MBD2: variants seen among roughly 807,000 people sequenced by gnomAD.
MBD2 encodes methyl-CpG-binding domain protein 2.
MBD2 carries 9 observed loss-of-function variants against 39.3 expected under a neutral mutation model. The observed-to-expected ratio is 0.23, with a 90% confidence interval of 0.14 to 0.40. The LOEUF (loss-of-function observed/expected upper bound fraction) is 0.40, where lower values mean the gene tolerates loss of function less well. Among genes scored for constraint, MBD2 ranks in the 10% least tolerant of loss-of-function variants. The pLI, the probability that MBD2 is intolerant of heterozygous loss-of-function variation, is 1.00. For synonymous variants in MBD2, 233 were observed against 211.1 expected, an observed-to-expected ratio of 1.10 and a Z score of -0.90; for missense variants, 458 against 532.6, an observed-to-expected ratio of 0.86 and a Z score of 1.38.
intron 2 of MBD2, among the ~76,000 whole-genome samples, chr18:54,193,669 C>T (rs1485204469): frequency 6.6e-6 from 1 of 151,702 alleles, no homozygotes; most frequent in Non-Finnish European, 1.5e-5. Context: ...AGGAAAAAAA[C>T]AGATATCCTT....
At position 54,214,719 on chromosome 18, in the gene MBD2, C is replaced by G. The variant is rs756472315; in HGVS notation, c.542+9299G>C. Among the ~76,000 whole-genome samples the G allele has an allele frequency of 2.4e-4, 36 of 149,162 alleles. 1 individual carries two copies. The highest frequency in any genetic ancestry group is 7.0e-3 in the Middle Eastern group (2 of 284). On this transcript the variant is annotated intron_variant, in intron 1 of 6. Transcript: ENST00000256429. ...CACATTTAATCTCAAAAAATTTCCACGAGGTAGAATTCTTTTAGAATTCTT... is the reference window on the plus strand; with the variant it reads ...CACATTTAATCTCAAAAAATTTCCAGGAGGTAGAATTCTTTTAGAATTCTT...
chr18:54,179,537 T>G (rs2086234733), intron 3 of MBD2, among the ~76,000 whole-genome samples: 1 of 152,208 alleles, frequency 6.6e-6, no homozygotes, highest in Admixed American at 6.5e-5. Flanking sequence ...CTCCAGGAAT[T>G]CTAGATCTGT....
chr18:54,189,862 T>C (rs2144311841), intron 2 of MBD2, among the ~76,000 whole-genome samples: 1 of 151,720 alleles, frequency 6.6e-6, no homozygotes, highest in Admixed American at 6.6e-5. Flanking sequence ...ATTACCAGGC[T>C]GGTCTCAAAC....
At chr18:54,207,741 A>T (rs983695130) in intron 1 of MBD2, among the ~76,000 whole-genome samples, 3 of 152,230 alleles carry the variant, frequency 2.0e-5, no homozygotes, top group Non-Finnish European at 4.4e-5. Flanking sequence ...TATGTCACTT[A>T]TAAAATGCTG....
chr18:54,152,807 C>T lies in MBD2; in HGVS notation c.*2517G>A, dbSNP rs1599069311. ...GAAACAGTCTATCTCACTGAATCCTCACAACAACTCTATGAGGTAGGTATT... is the reference window on the plus strand; with the variant it reads ...GAAACAGTCTATCTCACTGAATCCTTACAACAACTCTATGAGGTAGGTATT... On this transcript the variant is annotated 3_prime_UTR_variant, in exon 7 of 7. Coordinates refer to ENST00000256429, the MANE Select transcript of MBD2 (RefSeq NM_003927.5). The T allele has an allele frequency of 6.6e-6, 1 of 152,198 alleles. No homozygotes were observed. The highest frequency in any genetic ancestry group is 1.5e-5 in the Non-Finnish European group (1 of 68,042). 9.4% of individuals were successfully genotyped at this position (152,198 alleles called of 1,614,324 possible).
At chr18:54,208,323 T>C (rs1209479264) in intron 1 of MBD2, among the ~76,000 whole-genome samples, 1 of 151,848 alleles carries the variant, frequency 6.6e-6, no homozygotes, top group Non-Finnish European at 1.5e-5. Context: ...AGAAAACCCA[T>C]CTCTACTAAA....
intron 3 of MBD2, among the ~76,000 whole-genome samples, chr18:54,170,457 T>C (rs1478221876): frequency 6.6e-6 from 1 of 152,176 alleles, no homozygotes; most frequent in African/African-American, 2.4e-5. Context: ...CGATCCCTAT[T>C]CTGATGCTCT....
At chr18:54,218,778 T>C (rs1382748312) in intron 1 of MBD2, among the ~76,000 whole-genome samples, 2 of 152,078 alleles carry the variant, frequency 1.3e-5, no homozygotes, top group East Asian at 1.9e-4. Context: ...CTGACCAACA[T>C]GGTGAAACTC....
rs1568074606 is a variant in MBD2, at chr18:54,151,937, A to G, written c.*3387T>C. ...AACTGCATGACTCTTGTTCATTCAC[A>G]GATTCATTCAACAAATATTTAATGA... On this transcript the variant is annotated 3_prime_UTR_variant, in exon 7 of 7. Coordinates refer to ENST00000256429, the MANE Select transcript of MBD2 (RefSeq NM_003927.5). The G allele has an allele frequency of 6.6e-6, 1 of 152,144 alleles. No individual in the cohort carries two copies. The highest frequency in any genetic ancestry group is 1.5e-5 in the Non-Finnish European group (1 of 68,042). The allele number at this position is 152,144 out of a possible 1,614,324, so 9.4% of individuals were successfully genotyped here.
At position 54,156,028 on chromosome 18, in the gene MBD2, G is replaced by A. The variant is rs186845327; in HGVS notation, c.*13-717C>T. 1.1e-3 allele frequency among the ~76,000 whole-genome samples: 160 copies of A among 152,226 alleles called. 2 individuals carry two copies. Among genetic ancestry groups the A allele is most frequent in the African/African-American group, 3.4e-3 (143 of 41,546 alleles). Reference sequence around the variant, plus strand: ...CTAATAAGCAGGATTAGAAAGAGCTGAGGCATGATGAGGCTGGCCGACCTG... The same window carrying A: ...CTAATAAGCAGGATTAGAAAGAGCTAAGGCATGATGAGGCTGGCCGACCTG... On this transcript the variant is annotated intron_variant, in intron 6 of 6. Coordinates refer to ENST00000256429, the MANE Select transcript of MBD2 (RefSeq NM_003927.5).
intron 3 of MBD2, among the ~76,000 whole-genome samples, chr18:54,179,560 A>G (rs2086234908): frequency 6.6e-6 from 1 of 152,222 alleles, no homozygotes; most frequent in Admixed American, 6.5e-5. Context: ...AACATTCAAA[A>G]ACATCAAACA....
intron 1 of MBD2, among the ~76,000 whole-genome samples, chr18:54,215,966 T>C (rs2086556696): frequency 6.6e-6 from 1 of 151,934 alleles, no homozygotes; most frequent in Non-Finnish European, 1.5e-5. Flanking sequence ...CATGCCCGGC[T>C]AATTTTTTCT....
intron 1 of MBD2, among the ~76,000 whole-genome samples, chr18:54,214,252 G>A (rs772330025): frequency 3.3e-5 from 5 of 151,284 alleles, no homozygotes; most frequent in South Asian, 4.2e-4. Flanking sequence ...TTGCAGTGGC[G>A]TGGAGCAATT....
At chr18:54,217,660 T>C (rs1050843650) in intron 1 of MBD2, among the ~76,000 whole-genome samples, 1 of 152,232 alleles carries the variant, frequency 6.6e-6, no homozygotes, top group African/African-American at 2.4e-5. Context: ...TCACTTCCTT[T>C]AACATTCCAT....
intron 1 of MBD2, among the ~76,000 whole-genome samples, chr18:54,218,683 C>T (rs2086582903): frequency 6.6e-6 from 1 of 152,204 alleles, no homozygotes; most frequent in South Asian, 2.1e-4. Flanking sequence ...GTATGATAGG[C>T]TGGGCGCGGT....
intron 2 of MBD2, among the ~76,000 whole-genome samples, chr18:54,192,025 G>A (rs1318810159): frequency 6.6e-6 from 1 of 152,080 alleles, no homozygotes; most frequent in East Asian, 1.9e-4. Flanking sequence ...ATGCTCTCCT[G>A]GTCATTCTGT....
At chr18:54,217,663 C>A (rs115999076) in intron 1 of MBD2, among the ~76,000 whole-genome samples, 4,075 of 152,250 alleles carry the variant, frequency 0.027, 181 homozygotes, top group African/African-American at 0.093. Context: ...CTTCCTTTAA[C>A]ATTCCATTAA....
chr18:54,162,023 C>T (rs569964675), intron 5 of MBD2, among the ~76,000 whole-genome samples: 1 of 152,300 alleles, frequency 6.6e-6, no homozygotes, highest in African/African-American at 2.4e-5. Flanking sequence ...GCCACCATCC[C>T]ATAGCCAAGA....
At chr18:54,186,485 AC>A (rs2086287616) in intron 3 of MBD2, among the ~76,000 whole-genome samples, 1 of 152,122 alleles carries the variant, frequency 6.6e-6, no homozygotes, top group Non-Finnish European at 1.5e-5. Flanking sequence ...TAGAATTAAA[AC>A]CAACATCTTT....
Sources: allele counts gnomAD v4.1 joint callset (sites outside exome capture counted in the v4.1 genomes callset), GRCh38; gene constraint gnomAD v4.1.1; transcripts MANE v1.5; gene names NCBI Gene and HGNC (gene_info 2026-07-23, HGNC 2026-07-21).